The following EYS variants were observed in gnomAD, a reference collection of about 807,000 sequenced individuals.
EYS encodes protein eyes shut homolog.
Under a neutral mutation model 282.1 loss-of-function variants are expected in EYS, and 250 were observed. The ratio of observed to expected loss-of-function variants is 0.89; its 90% confidence interval spans 0.80 to 0.98. EYS has a LOEUF of 0.98. EYS is among the 50% of genes least tolerant of loss of function. EYS has a pLI of 0.00. For synonymous variants in EYS, 1,355 were observed against 1,282.9 expected (o/e 1.06, Z -1.20); for missense variants, 4,016 against 3,709.0 (o/e 1.08, Z -2.15).
chr6:65,665,369 T>C (rs370061500), intron 1 of EYS, among the ~76,000 whole-genome samples: 1 of 152,128 alleles, frequency 6.6e-6, no homozygotes, highest in Admixed American at 6.6e-5. Context: ...GCTAAAGGCC[T>C]GAGTTTCAAT....
At chr6:64,445,899 A>C (rs944653265) in intron 26 of EYS, among the ~76,000 whole-genome samples, 13 of 151,978 alleles carry the variant, frequency 8.6e-5, no homozygotes, top group Non-Finnish European at 1.5e-4. Context: ...ATAATGGGCA[A>C]AACTGGTATT....
chr6:64,248,050 G>C (rs951555205), intron 30 of EYS, among the ~76,000 whole-genome samples: 4 of 152,192 alleles, frequency 2.6e-5, no homozygotes, highest in African/African-American at 9.7e-5. Context: ...GCTAGGAGAA[G>C]AAGGAGAGGC....
At chr6:65,235,298 G>A (rs536542676) in intron 12 of EYS, among the ~76,000 whole-genome samples, 3 of 152,050 alleles carry the variant, frequency 2.0e-5, no homozygotes, top group African/African-American at 7.2e-5. Context: ...TAATAGTACT[G>A]TGACTGAGCC....
At chr6:65,332,817 T>C (rs1769844867) in intron 11 of EYS, among the ~76,000 whole-genome samples, 1 of 151,492 alleles carries the variant, frequency 6.6e-6, no homozygotes, top group African/African-American at 2.4e-5. Context: ...ATTCAATCTT[T>C]TTACTTGTTA....
At chr6:64,162,778 T>G (rs11966772) in intron 31 of EYS, among the ~76,000 whole-genome samples, 1,768 of 152,266 alleles carry the variant, frequency 0.012, 35 homozygotes, top group African/African-American at 0.04. Flanking sequence ...TTTTAACATT[T>G]GTGATTGATT....
chr6:65,340,905 G>A (rs1582160392), intron 10 of EYS, among the ~76,000 whole-genome samples: 1 of 151,020 alleles, frequency 6.6e-6, no homozygotes, highest in Admixed American at 6.6e-5. Flanking sequence ...AATGCACTAC[G>A]CTGAGACCAC....
intron 2 of EYS, among the ~76,000 whole-genome samples, chr6:65,501,476 C>T (rs1363496537): frequency 6.6e-6 from 1 of 151,438 alleles, no homozygotes; most frequent in African/African-American, 2.4e-5. Context: ...AAGAAAAACA[C>T]CTAAATTATC....
chr6:65,573,648 T>C (rs1764556551), intron 2 of EYS, among the ~76,000 whole-genome samples: 1 of 152,176 alleles, frequency 6.6e-6, no homozygotes, highest in South Asian at 2.1e-4. Flanking sequence ...GTGGCTGTAC[T>C]GGTACAGCCT....
intron 14 of EYS, among the ~76,000 whole-genome samples, chr6:64,986,000 T>C (rs572736475): frequency 6.6e-6 from 1 of 151,646 alleles, no homozygotes; most frequent in East Asian, 1.9e-4. Context: ...CATATCTCAA[T>C]GTTTACTGAG....
chr6:63,734,701 C>T (rs1429964396), intron 41 of EYS, among the ~76,000 whole-genome samples: 1 of 152,042 alleles, frequency 6.6e-6, no homozygotes, highest in African/African-American at 2.4e-5. Flanking sequence ...ATAATGTTGT[C>T]ATTAACTGAA....
chr6:64,902,260 G>T (rs1485285147), intron 17 of EYS, 40 bp from the exon 18 acceptor site: 4 of 1,415,930 alleles, frequency 2.8e-6, no homozygotes, highest in South Asian at 2.6e-5. Flanking sequence ...TAGTATATAT[G>T]TATAAAATCA....
rs1468737394 is a variant in EYS at position 65,551,152 on chromosome 6, A to T, written c.-332-55159T>A. On this transcript the variant is annotated intron_variant, in intron 2 of 42. Coordinates refer to ENST00000503581, the MANE Select transcript of EYS (RefSeq NM_001142800.2). ...AAGGACCTCTTCAAGGAGAACTACA[A>T]ACCACTGCTCAAGGAAATAAAAGAG... Among the ~76,000 whole-genome samples the T allele has an allele frequency of 5.8e-5, 2 of 34,724 alleles. 1 individual carries two copies. The highest frequency in any genetic ancestry group is 6.2e-4 in the African/African-American group (2 of 3,224). The allele number at this position is 34,724 out of a possible 152,430, so 22.8% of individuals were successfully genotyped here. A position where few individuals can be genotyped will look rare whatever the true frequency, so the allele number is the denominator to read the frequency against.
At chr6:65,379,290 T>C (rs1009870034) in intron 8 of EYS, among the ~76,000 whole-genome samples, 36 of 152,038 alleles carry the variant, frequency 2.4e-4, no homozygotes, top group African/African-American at 8.7e-4. Context: ...GCTTTATCCA[T>C]GGGATGCAAA....
At chr6:63,859,578 C>CA (rs1772483019) in intron 36 of EYS, among the ~76,000 whole-genome samples, 1 of 133,334 alleles carries the variant, frequency 7.5e-6, no homozygotes, top group Non-Finnish European at 1.6e-5. Flanking sequence ...ATTAAGAAAA[C>CA]AAAAAAACCT....
intron 2 of EYS, among the ~76,000 whole-genome samples, chr6:65,519,686 CTATATATATATA>C: frequency 2.5e-5 from 1 of 39,754 alleles, no homozygotes; most frequent in South Asian, 1.5e-3. Context: ...ACTATAATAA[CTATATATATATA>C]TATATATATA....
chr6:64,634,364 T>C (rs1767895983), intron 22 of EYS, among the ~76,000 whole-genome samples: 1 of 152,128 alleles, frequency 6.6e-6, no homozygotes, highest in South Asian at 2.1e-4. Context: ...TGAGGACTAA[T>C]TGAAAAATCT....
At chr6:63,991,163 G>A (rs1308295433) in intron 34 of EYS, among the ~76,000 whole-genome samples, 4 of 151,668 alleles carry the variant, frequency 2.6e-5, no homozygotes, top group African/African-American at 9.7e-5. Flanking sequence ...TTAATTGGGA[G>A]TCTGCAGGCA....
At chr6:64,386,281 T>C (rs1772905801) in intron 29 of EYS, among the ~76,000 whole-genome samples, 1 of 152,190 alleles carries the variant, frequency 6.6e-6, no homozygotes, top group Non-Finnish European at 1.5e-5. Flanking sequence ...AAGACATACT[T>C]GAGACAGGGT....
chr6:64,595,669 A>G lies in EYS; in HGVS notation c.3685-2360T>C, dbSNP rs148459281. 8.5e-3 allele frequency among the ~76,000 whole-genome samples: 1,288 copies of G among 152,270 alleles called. 23 individuals carry two copies. Among genetic ancestry groups the G allele is most frequent in the African/African-American group, 0.028 (1,165 of 41,562 alleles). On this transcript the variant is annotated intron_variant, in intron 24 of 42. Coordinates refer to ENST00000503581, the MANE Select transcript of EYS (RefSeq NM_001142800.2). ...AATGAACTATTTGAAAAAGAAATTA[A>G]AAATGCAATCCCAGTCACAATAGCC...
Sources: gnomAD v4.1 joint callset for allele counts (sites outside exome capture counted in the v4.1 genomes callset) on GRCh38, gnomAD v4.1.1 for gene constraint, MANE v1.5 for transcripts, NCBI Gene and HGNC (gene_info 2026-07-23, HGNC 2026-07-21) for gene names.